The following DACH1 variants were observed in gnomAD, a reference collection of about 807,000 sequenced individuals.
The protein encoded by DACH1 is dachshund family transcription factor 1, also known as dachshund homolog 1.
DACH1 carries 12 observed loss-of-function variants against 54.2 expected under a neutral mutation model. The observed-to-expected ratio is 0.22, with a 90% CI of 0.14 to 0.36. DACH1 has a LOEUF of 0.36. Ranked by LOEUF, DACH1 falls within the 10% of genes least tolerant of loss-of-function variation. The pLI is 1.00. For missense variants in DACH1, 805 were observed against 929.8 expected (o/e 0.87, Z 1.75); for synonymous variants, 386 against 366.2 (o/e 1.05, Z -0.62).
At chr13:71,491,061 C>T (rs1194680098) in intron 6 of DACH1, among the ~76,000 whole-genome samples, 2 of 152,090 alleles carry the variant, frequency 1.3e-5, no homozygotes, top group African/African-American at 2.4e-5. Flanking sequence ...GTTTCATCAT[C>T]CCCATAATTA....
chr13:71,794,165 G>A (rs755642436), intron 1 of DACH1, among the ~76,000 whole-genome samples: 21 of 152,046 alleles, frequency 1.4e-4, no homozygotes, highest in African/African-American at 2.7e-4. Context: ...CATGCTCTCC[G>A]TCAACTCAAC....
intron 1 of DACH1, among the ~76,000 whole-genome samples, chr13:71,827,568 T>A (rs1888428154): frequency 6.6e-6 from 1 of 151,838 alleles, no homozygotes; most frequent in Non-Finnish European, 1.5e-5. Context: ...AACAAGGGAG[T>A]GAGGACTACA....
Position 71,557,115 on chromosome 13 carries a change from G to A in DACH1, c.1479C>T (p.Gly493=). The change falls in exon 6 of 11, where the codon GGC becomes GGT. Residue 493 remains glycine, a synonymous_variant. Transcript: ENST00000613252. ...NGLSMNQMLM[G]LSPNVLPGPK... ...GCCCAGGAAGTACATTTGGTGATAA[G>A]CCCATCAGCATCTGGTTCATGGACA... 4 of 1,612,112 alleles carry A rather than the reference G, an allele frequency of 2.5e-6. No individual in the cohort carries two copies. Among genetic ancestry groups the A allele is most frequent in the Non-Finnish European group, 3.4e-6 (4 of 1,179,112 alleles).
At chr13:71,713,852 A>C (rs774174460) in intron 1 of DACH1, among the ~76,000 whole-genome samples, 8 of 152,108 alleles carry the variant, frequency 5.3e-5, no homozygotes, top group Admixed American at 5.2e-4. Flanking sequence ...CAGAAAAATT[A>C]GACAAATATA....
intron 6 of DACH1, among the ~76,000 whole-genome samples, chr13:71,530,925 G>T (rs902343363): frequency 6.6e-6 from 1 of 152,006 alleles, no homozygotes; most frequent in Non-Finnish European, 1.5e-5. Flanking sequence ...TAATTTCTAA[G>T]TTGGATTTAG....
chr13:71,442,930 T>C lies in DACH1; in HGVS notation c.2084-2238A>G, dbSNP rs189262760. 2.2e-3 allele frequency among the ~76,000 whole-genome samples: 328 copies of C among 151,544 alleles called. 1 individual carries two copies. The highest frequency in any genetic ancestry group is 3.4e-3 in the Non-Finnish European group (229 of 67,868). ...ACTGAGACTACGGGAAGATAAACTA[T>C]AGATAAGGAGGGACTACTGTAAGTT... is the stretch of plus-strand genomic sequence containing the variant. On this transcript the variant is annotated intron_variant, in intron 10 of 10. Coordinates refer to ENST00000613252, the MANE Select transcript of DACH1 (RefSeq NM_080759.6).
chr13:71,513,107 T>C (rs905785281), intron 6 of DACH1, among the ~76,000 whole-genome samples: 1 of 151,898 alleles, frequency 6.6e-6, no homozygotes, highest in African/African-American at 2.4e-5. Flanking sequence ...ACAAGACCTG[T>C]TTCAAAGACT....
intron 3 of DACH1, among the ~76,000 whole-genome samples, chr13:71,592,094 G>A: frequency 6.6e-6 from 1 of 152,178 alleles, no homozygotes; most frequent in Non-Finnish European, 1.5e-5. Flanking sequence ...AAAATTCTGT[G>A]TAATATAGCA....
chr13:71,441,469 T>G (rs1367374152), intron 10 of DACH1, among the ~76,000 whole-genome samples: 1 of 152,240 alleles, frequency 6.6e-6, no homozygotes, highest in Admixed American at 6.5e-5. Flanking sequence ...CCCTCTAAAC[T>G]GTCTACTTCC....
At chr13:71,475,421 C>A (rs556658704) in intron 9 of DACH1, among the ~76,000 whole-genome samples, 1 of 152,032 alleles carries the variant, frequency 6.6e-6, no homozygotes, top group Non-Finnish European at 1.5e-5. Context: ...GGATGGGGTT[C>A]GGAAATTCTC....
intron 1 of DACH1, among the ~76,000 whole-genome samples, chr13:71,759,358 G>T (rs1885304815): frequency 6.6e-6 from 1 of 151,584 alleles, no homozygotes; most frequent in African/African-American, 2.4e-5. Context: ...TGCCTTTTTT[G>T]GGATTAAGTT....
chr13:71,830,872 A>G (rs1205479409), intron 1 of DACH1, among the ~76,000 whole-genome samples: 1 of 151,918 alleles, frequency 6.6e-6, no homozygotes. Flanking sequence ...CTCTACTCTA[A>G]GTGATGGCTT....
At chr13:71,786,965 C>G (rs908432664) in intron 1 of DACH1, among the ~76,000 whole-genome samples, 1 of 152,140 alleles carries the variant, frequency 6.6e-6, no homozygotes, top group African/African-American at 2.4e-5. Context: ...GCAGGGAAGG[C>G]AGGCACTCCT....
chr13:71,678,700 A>C (rs1460832338), intron 2 of DACH1, among the ~76,000 whole-genome samples: 1 of 148,246 alleles, frequency 6.7e-6, no homozygotes, highest in Non-Finnish European at 1.5e-5. Flanking sequence ...TCTGTTGCCC[A>C]GGCTTGAATG....
At chr13:71,470,616 C>T (rs943654820) in intron 10 of DACH1, among the ~76,000 whole-genome samples, 5 of 152,112 alleles carry the variant, frequency 3.3e-5, no homozygotes, top group East Asian at 1.9e-4. Flanking sequence ...TGTAAGCCAC[C>T]GCACCCGGTC....
At chr13:71,824,051 T>G (rs1014850807) in intron 1 of DACH1, among the ~76,000 whole-genome samples, 10 of 151,924 alleles carry the variant, frequency 6.6e-5, no homozygotes, top group African/African-American at 2.4e-4. Context: ...CCACATGCCA[T>G]GTAATAAAAG....
chr13:71,787,335 A>G (rs932261788), intron 1 of DACH1, among the ~76,000 whole-genome samples: 1 of 152,208 alleles, frequency 6.6e-6, no homozygotes, highest in Non-Finnish European at 1.5e-5. Context: ...CTTTAGCTAG[A>G]GAGACAAGCC....
At chr13:71,520,771 A>G (rs1394018717) in intron 6 of DACH1, among the ~76,000 whole-genome samples, 2 of 151,874 alleles carry the variant, frequency 1.3e-5, no homozygotes, top group Admixed American at 1.3e-4. Context: ...AAGTACAAAG[A>G]TCCTTGCATT....
At chr13:71,665,935 A>G (rs906934823) in intron 2 of DACH1, among the ~76,000 whole-genome samples, 5 of 151,996 alleles carry the variant, frequency 3.3e-5, no homozygotes, top group Admixed American at 1.3e-4. Flanking sequence ...GACAAACAAC[A>G]CCTCCTTCAT....
Sources: gnomAD v4.1 joint callset for allele counts (sites outside exome capture counted in the v4.1 genomes callset) on GRCh38, gnomAD v4.1.1 for gene constraint, MANE v1.5 for transcripts, NCBI Gene and HGNC (gene_info 2026-07-23, HGNC 2026-07-21) for gene names.